KIAA1958: variants seen among roughly 807,000 people sequenced by gnomAD.
KIAA1958 encodes the protein uncharacterized protein KIAA1958.
In KIAA1958, 14 loss-of-function variants were observed where a neutral mutation model predicts 47.2. The ratio of observed to expected loss-of-function variants is 0.30; its 90% confidence interval spans 0.20 to 0.46. The LOEUF is 0.46. KIAA1958 is among the 20% of genes least tolerant of loss of function. KIAA1958 has a pLI of 1.00. For missense variants in KIAA1958, 803 were observed against 909.2 expected (o/e 0.88, Z 1.50); for synonymous variants, 354 against 353.3 (o/e 1.00, Z -0.02).
rs1294336361 is a variant in KIAA1958, at chr9:112,575,111, C to G, written c.1031C>G (p.Ser344Cys). The change falls in exon 2 of 4, where the codon TCC (serine) becomes TGC (cysteine). Residue 344 changes from serine to cysteine, a missense_variant. Physicochemically the swap from Ser to Cys is moderately radical, Grantham distance 112 (BLOSUM62 -1). Coordinates refer to ENST00000337530, the MANE Select transcript of KIAA1958 (RefSeq NM_133465.4). ...CAAGTTGCCTCTGAAGAGTTCCTGTCCCATCTGCCCAGCCAGGTCTCCTCC... is the reference window on the plus strand; with the variant it reads ...CAAGTTGCCTCTGAAGAGTTCCTGTGCCATCTGCCCAGCCAGGTCTCCTCC... The part of the protein sequence containing the change: ...DEQVASEEFL[S>C]HLPSQVSSCE... 5 of 1,608,466 alleles carry G rather than the reference C, an allele frequency of 3.1e-6. No homozygotes were observed. The highest frequency in any genetic ancestry group is 1.3e-5 in the African/African-American group (1 of 74,922).
chr9:112,590,350 CTTTTT>C (rs893352438), intron 2 of KIAA1958, among the ~76,000 whole-genome samples: 1 of 134,310 alleles, frequency 7.4e-6, no homozygotes, highest in Admixed American at 7.5e-5. Context: ...AGACACCCTT[CTTTTT>C]TTTTTTTTTT....
At chr9:112,565,109 A>T (rs924119320) in intron 1 of KIAA1958, among the ~76,000 whole-genome samples, 2 of 152,208 alleles carry the variant, frequency 1.3e-5, no homozygotes, top group African/African-American at 4.8e-5. Flanking sequence ...TTAATGGTAG[A>T]AAGGCTGATT....
intron 2 of KIAA1958, among the ~76,000 whole-genome samples, chr9:112,584,384 G>GT (rs1415845437): frequency 6.6e-6 from 1 of 152,172 alleles, no homozygotes; most frequent in African/African-American, 2.4e-5. Context: ...GTTTAAAAAT[G>GT]TGATTACTTT....
intron 1 of KIAA1958, among the ~76,000 whole-genome samples, chr9:112,561,579 G>C (rs1419710707): frequency 6.6e-6 from 1 of 152,126 alleles, no homozygotes; most frequent in Non-Finnish European, 1.5e-5. Flanking sequence ...CTCGGGCTGG[G>C]TGCAGTGGCT....
At chr9:112,529,666 A>G (rs1255098183) in intron 1 of KIAA1958, among the ~76,000 whole-genome samples, 1 of 152,182 alleles carries the variant, frequency 6.6e-6, no homozygotes, top group Non-Finnish European at 1.5e-5. Flanking sequence ...TCCTTACCAC[A>G]TCATATCAAT....
intron 2 of KIAA1958, among the ~76,000 whole-genome samples, chr9:112,602,186 T>C (rs933791512): frequency 2.0e-5 from 3 of 152,206 alleles, no homozygotes; most frequent in African/African-American, 7.2e-5. Context: ...GTTGTTACAA[T>C]TAATTTTCCA....
chr9:112,622,642 G>A (rs148442610), intron 2 of KIAA1958, among the ~76,000 whole-genome samples: 2,065 of 152,102 alleles, frequency 0.014, 27 homozygotes, highest in Middle Eastern at 0.034. Flanking sequence ...TTTCCCTATG[G>A]TTAAATTTTC....
intron 2 of KIAA1958, among the ~76,000 whole-genome samples, chr9:112,577,328 G>C (rs898595802): frequency 6.6e-6 from 1 of 151,962 alleles, no homozygotes; most frequent in African/African-American, 2.4e-5. Flanking sequence ...ATATTTTAAT[G>C]AATTATACTT....
At chr9:112,643,012 C>T (rs1003308597) in intron 2 of KIAA1958, among the ~76,000 whole-genome samples, 12 of 152,232 alleles carry the variant, frequency 7.9e-5, no homozygotes, top group East Asian at 1.9e-4. Flanking sequence ...AATTATTTAG[C>T]GGTTTAATGT....
Position 112,645,634 on chromosome 9 carries a change from T to C in KIAA1958, c.1172-16T>C, listed in dbSNP as rs779722321. On this transcript the variant is annotated splice_polypyrimidine_tract_variant and intron_variant, in intron 2 of 3. Coordinates refer to ENST00000337530, the MANE Select transcript of KIAA1958 (RefSeq NM_133465.4). ...ATGGCAAATTATTTTAATGCTTTTATTGTTTTTATTTCTAGCTTATTCCAC... is the reference window on the plus strand; with the variant it reads ...ATGGCAAATTATTTTAATGCTTTTACTGTTTTTATTTCTAGCTTATTCCAC... 2.6e-6 allele frequency: 4 copies of C among 1,540,802 alleles called. No individual in the cohort carries two copies. The Admixed American group carries it at 5.5e-5, about 21-fold the overall frequency.
chr9:112,566,026 C>T (rs1835422228), intron 1 of KIAA1958, among the ~76,000 whole-genome samples: 1 of 152,128 alleles, frequency 6.6e-6, no homozygotes, highest in Non-Finnish European at 1.5e-5. Flanking sequence ...GCCTCAGCCT[C>T]CCCAGTAGTT....
At chr9:112,577,790 G>A (rs1329549522) in intron 2 of KIAA1958, among the ~76,000 whole-genome samples, 11 of 147,714 alleles carry the variant, frequency 7.4e-5, no homozygotes, top group Non-Finnish European at 1.2e-4. Flanking sequence ...AAAAAAAAAC[G>A]AATCCATTTA....
At chr9:112,605,694 C>T (rs546075203) in intron 2 of KIAA1958, among the ~76,000 whole-genome samples, 54 of 152,182 alleles carry the variant, frequency 3.5e-4, no homozygotes, top group Non-Finnish European at 7.6e-4. Flanking sequence ...TCACTTCACT[C>T]CAGGCACAGT....
intron 1 of KIAA1958, among the ~76,000 whole-genome samples, chr9:112,487,849 C>T (rs1349993926): frequency 1.9e-5 from 1 of 53,492 alleles, no homozygotes; most frequent in Non-Finnish European, 3.4e-5. Context: ...TTTTTGGTTC[C>T]TTCAAGTCTT....
chr9:112,635,214 T>TTTTGTGTGTGTG (rs1403616590), intron 2 of KIAA1958, among the ~76,000 whole-genome samples: 1 of 130,352 alleles, frequency 7.7e-6, no homozygotes, highest in South Asian at 2.8e-4. Flanking sequence ...ATTCTTTATT[T>TTTTGTGTGTGTG]TGTGTGTGTG....
chr9:112,513,197 G>T (rs1834351005), intron 1 of KIAA1958, among the ~76,000 whole-genome samples: 1 of 139,700 alleles, frequency 7.2e-6, no homozygotes, highest in African/African-American at 2.7e-5. Flanking sequence ...TAGAGACGGG[G>T]TTTCACCATG....
intron 1 of KIAA1958, among the ~76,000 whole-genome samples, chr9:112,490,941 AG>A (rs1253244644): frequency 2.0e-5 from 3 of 152,228 alleles, no homozygotes; most frequent in African/African-American, 7.2e-5. Flanking sequence ...ATGTATCAAA[AG>A]AAATTATACA....
chr9:112,518,188 A>T (rs992753325), intron 1 of KIAA1958, among the ~76,000 whole-genome samples: 1 of 152,206 alleles, frequency 6.6e-6, no homozygotes, highest in Non-Finnish European at 1.5e-5. Context: ...TAAAAAATTG[A>T]AAAGGTTTGA....
At chr9:112,545,401 C>A (rs1330028339) in intron 1 of KIAA1958, among the ~76,000 whole-genome samples, 2 of 152,100 alleles carry the variant, frequency 1.3e-5, no homozygotes. Context: ...AGAATTTAAA[C>A]CATATTGAGG....
Sources: allele counts gnomAD v4.1 joint callset (sites outside exome capture counted in the v4.1 genomes callset), GRCh38; gene constraint gnomAD v4.1.1; transcripts MANE v1.5; gene names NCBI Gene and HGNC (gene_info 2026-07-23, HGNC 2026-07-21).